Variants in KIF16B observed in about 807,000 individuals in gnomAD.
KIF16B encodes the protein kinesin-like protein KIF16B.
KIF16B carries 98 observed loss-of-function variants against 156.3 expected under a neutral mutation model. That is an observed-to-expected ratio of 0.63 (90% CI 0.53 to 0.74). The LOEUF is 0.74. Among genes scored for constraint, KIF16B ranks in the 30% least tolerant of loss-of-function variants. The pLI, the probability that KIF16B is intolerant of heterozygous loss-of-function variation, is 0.00. For missense variants in KIF16B, 1,421 were observed against 1,606.5 expected (o/e 0.88, Z 1.97); for synonymous variants, 564 against 583.7 (o/e 0.97, Z 0.49).
At chr20:16,543,054 C>T (rs1284539928) in intron 1 of KIF16B, among the ~76,000 whole-genome samples, 1 of 152,130 alleles carries the variant, frequency 6.6e-6, no homozygotes, top group Non-Finnish European at 1.5e-5. Flanking sequence ...CTCTGAGGAG[C>T]CCAAACCCGG....
chr20:16,275,557 G>A (rs1158066394), intron 25 of KIF16B, among the ~76,000 whole-genome samples: 1 of 152,180 alleles, frequency 6.6e-6, no homozygotes, highest in Non-Finnish European at 1.5e-5. Flanking sequence ...GCCAGGAGAG[G>A]TGAGCAAGGC....
chr20:16,299,892 G>A (rs1017076397), intron 25 of KIF16B, among the ~76,000 whole-genome samples: 11 of 152,094 alleles, frequency 7.2e-5, no homozygotes, highest in African/African-American at 2.7e-4. Context: ...TATACTAACA[G>A]TTAAATCTAA....
chr20:16,400,044 T>C (rs1325494137), intron 17 of KIF16B, among the ~76,000 whole-genome samples: 2 of 152,204 alleles, frequency 1.3e-5, no homozygotes, highest in Non-Finnish European at 2.9e-5. Flanking sequence ...ACCATGCTGC[T>C]CCTTGGCTAC....
At chr20:16,517,185 C>A (rs371991441) in intron 3 of KIF16B, among the ~76,000 whole-genome samples, 23 of 152,346 alleles carry the variant, frequency 1.5e-4, no homozygotes, top group East Asian at 1.2e-3. Flanking sequence ...GTCTTCAGAT[C>A]CATCTTCCCA....
At chr20:16,275,303 C>G (rs550962708) in intron 25 of KIF16B, among the ~76,000 whole-genome samples, 10 of 152,210 alleles carry the variant, frequency 6.6e-5, no homozygotes, top group Admixed American at 5.2e-4. Flanking sequence ...TGATCCACCC[C>G]CCTTGGCCTC....
chr20:16,371,780 G>C lies in KIF16B; in HGVS notation c.3351-19C>G. The C allele has an allele frequency of 6.5e-7, 1 of 1,546,416 alleles. No individual in the cohort carries two copies. Among genetic ancestry groups the C allele is most frequent in the Non-Finnish European group, 8.9e-7 (1 of 1,119,092 alleles). On this transcript the variant is annotated intron_variant, in intron 20 of 25. Transcript: ENST00000354981. ...ATTGATCCTGTAACACAATGGAGAT[G>C]GAGTAGATCTGACACTTCTAACCAC...
chr20:16,525,505 A>AC (rs999652181), intron 3 of KIF16B, among the ~76,000 whole-genome samples: 5 of 152,016 alleles, frequency 3.3e-5, no homozygotes, highest in African/African-American at 1.2e-4. Flanking sequence ...TTTTGGGGGC[A>AC]CCTTTGTGTC....
intron 12 of KIF16B, among the ~76,000 whole-genome samples, chr20:16,488,028 T>C (rs570221591): frequency 1.3e-5 from 2 of 152,362 alleles, no homozygotes; most frequent in African/African-American, 4.8e-5. Flanking sequence ...GGCATCTGCA[T>C]GTGAGCGCCT....
chr20:16,281,266 G>T (rs531116319), intron 25 of KIF16B, among the ~76,000 whole-genome samples: 3 of 152,260 alleles, frequency 2.0e-5, no homozygotes, highest in African/African-American at 7.2e-5. Flanking sequence ...AAGGAGTTCA[G>T]TGGCATTCCT....
At chr20:16,566,442 T>C (rs779455540) in intron 1 of KIF16B, among the ~76,000 whole-genome samples, 21 of 152,228 alleles carry the variant, frequency 1.4e-4, no homozygotes, top group Admixed American at 4.6e-4. Context: ...TACTATTAGA[T>C]GAAACTTCAG....
chr20:16,356,236 T>A, intron 23 of KIF16B, 94 bp downstream of exon 23: 1 of 1,481,202 alleles, frequency 6.8e-7, no homozygotes, highest in East Asian at 2.3e-5. Context: ...GATATTCACA[T>A]GCAGCTTCAT....
intron 1 of KIF16B, among the ~76,000 whole-genome samples, chr20:16,564,377 T>C (rs1032470355): frequency 2.0e-5 from 3 of 152,166 alleles, no homozygotes; most frequent in African/African-American, 7.2e-5. Context: ...CTATTGTGAA[T>C]AGTGCCGCAA....
chr20:16,453,137 G>A (rs1303858632), intron 12 of KIF16B, among the ~76,000 whole-genome samples: 3 of 151,728 alleles, frequency 2.0e-5, no homozygotes, highest in African/African-American at 7.3e-5. Context: ...AGGTTTAGTG[G>A]TATGCACCTG....
intron 17 of KIF16B, among the ~76,000 whole-genome samples, chr20:16,401,389 C>T (rs1200300798): frequency 6.6e-6 from 1 of 152,140 alleles, no homozygotes; most frequent in Admixed American, 6.5e-5. Context: ...CTTGCAGTAT[C>T]CCCTGGGATT....
intron 18 of KIF16B, 100 bp downstream of exon 18, chr20:16,381,594 G>C (rs962223419): frequency 8.7e-6 from 7 of 807,346 alleles, no homozygotes; most frequent in Non-Finnish European, 1.4e-5. Context: ...CACAGAGCAA[G>C]GGGGAAGTAT....
chr20:16,427,398 G>A lies in KIF16B; in HGVS notation c.1475-157C>T, dbSNP rs550828241. 5.3e-5 allele frequency among the ~76,000 whole-genome samples: 8 copies of A among 152,098 alleles called. No individual in the cohort carries two copies. The South Asian group carries it at 6.2e-4, about 12-fold the overall frequency. ...AACATTTATGTTTAGTGAGAAAACC[G>A]AACTTCAGGAGCTCATGACGTTCAA... On this transcript the variant is annotated intron_variant, in intron 14 of 25. Coordinates refer to ENST00000354981, the MANE Select transcript of KIF16B (RefSeq NM_024704.5).
chr20:16,349,469 G>A (rs1439925440), intron 23 of KIF16B, among the ~76,000 whole-genome samples: 1 of 152,220 alleles, frequency 6.6e-6, no homozygotes, highest in African/African-American at 2.4e-5. Flanking sequence ...AGGAGCTGCT[G>A]TTTTGCCCTA....
At chr20:16,508,533 C>G (rs2068857996) in intron 6 of KIF16B, among the ~76,000 whole-genome samples, 1 of 152,156 alleles carries the variant, frequency 6.6e-6, no homozygotes. Flanking sequence ...TCATTAGGAG[C>G]ACACAACCTA....
intron 25 of KIF16B, among the ~76,000 whole-genome samples, chr20:16,289,087 T>C (rs1356244718): frequency 6.6e-6 from 1 of 152,186 alleles, no homozygotes; most frequent in Non-Finnish European, 1.5e-5. Flanking sequence ...ACCTTAAATG[T>C]GCTCAGAACA....
Sources: gnomAD v4.1 joint callset for allele counts (sites outside exome capture counted in the v4.1 genomes callset) on GRCh38, gnomAD v4.1.1 for gene constraint, MANE v1.5 for transcripts, NCBI Gene and HGNC (gene_info 2026-07-23, HGNC 2026-07-21) for gene names.